The following PDE4B variants were observed in gnomAD, a reference collection of about 807,000 sequenced individuals.
PDE4B encodes 3',5'-cyclic-AMP phosphodiesterase 4B.
A neutral mutation model predicts 82.2 loss-of-function variants in PDE4B; 20 were observed. That is an observed-to-expected ratio of 0.24 (90% confidence interval 0.17 to 0.35). The LOEUF (loss-of-function observed/expected upper bound fraction) is 0.35. PDE4B is among the 10% of genes least tolerant of loss of function. PDE4B has a pLI of 1.00. For synonymous variants in PDE4B, 320 were observed against 318.9 expected (o/e 1.00, Z -0.04); for missense variants, 655 against 907.2 (o/e 0.72, Z 3.57).
chr1:65,885,045 G>A (rs191871603), intron 1 of PDE4B, among the ~76,000 whole-genome samples: 34 of 152,250 alleles, frequency 2.2e-4, no homozygotes, highest in Non-Finnish European at 2.1e-4. Flanking sequence ...CAAAAAGTGG[G>A]CAAAGGAGAT....
At chr1:66,007,780 G>T (rs1286413448) in intron 3 of PDE4B, among the ~76,000 whole-genome samples, 1 of 152,094 alleles carries the variant, frequency 6.6e-6, no homozygotes, top group African/African-American at 2.4e-5. Flanking sequence ...GGCAATGATA[G>T]AACAATTACA....
At chr1:66,132,952 T>C (rs1207809582) in intron 3 of PDE4B, among the ~76,000 whole-genome samples, 1 of 152,208 alleles carries the variant, frequency 6.6e-6, no homozygotes, top group Non-Finnish European at 1.5e-5. Flanking sequence ...TGGCATATCT[T>C]AGAAAATGTT....
chr1:66,256,824 T>A (rs1325152563), intron 4 of PDE4B, among the ~76,000 whole-genome samples: 1 of 152,236 alleles, frequency 6.6e-6, no homozygotes, highest in South Asian at 2.1e-4. Context: ...TGTGCTGCTA[T>A]GATGATTCAC....
At chr1:66,115,298 A>T (rs1645573807) in intron 3 of PDE4B, among the ~76,000 whole-genome samples, 1 of 152,202 alleles carries the variant, frequency 6.6e-6, no homozygotes, top group Admixed American at 6.5e-5. Flanking sequence ...ACGACAGATA[A>T]ATTGGTCTGC....
intron 3 of PDE4B, among the ~76,000 whole-genome samples, chr1:66,202,222 T>C (rs1315790462): frequency 1.3e-5 from 2 of 152,006 alleles, no homozygotes; most frequent in African/African-American, 2.4e-5. Context: ...CAGTTTGTTA[T>C]AATTTCTGTT....
At position 65,992,978 on chromosome 1, in the gene PDE4B, G is replaced by C. The variant is rs115074556; in HGVS notation, c.281+74143G>C. On this transcript the variant is annotated intron_variant, in intron 3 of 16. Coordinates refer to ENST00000341517, the MANE Select transcript of PDE4B (RefSeq NM_002600.4). The stretch of plus-strand genomic sequence containing the variant: ...AGGTTTGCATAAAGACTTTCAAGGA[G>C]CAAATGCATTTAGAACTTGAGCTTC... The C allele has an allele frequency of 6.1e-4, 985 of 1,613,976 alleles. 8 individuals carry two copies. The African/African-American group carries it at 0.011, about 17-fold the overall frequency.
chr1:66,076,668 G>A (rs1351098326), intron 3 of PDE4B, among the ~76,000 whole-genome samples: 2 of 152,148 alleles, frequency 1.3e-5, no homozygotes, highest in Non-Finnish European at 2.9e-5. Context: ...AGCCGTGCCA[G>A]CATCTGTTGC....
Position 66,219,773 on chromosome 1 carries a change from G to T in PDE4B, c.282-27687G>T, listed in dbSNP as rs141773441. ...GAAGGATTCTGCATGACCTTTCAGAGAAACAAGATCAAAGAGTAGGGATGA... is the reference window on the plus strand; with the variant it reads ...GAAGGATTCTGCATGACCTTTCAGATAAACAAGATCAAAGAGTAGGGATGA... On this transcript the variant is annotated intron_variant, in intron 3 of 16. Coordinates refer to ENST00000341517, the MANE Select transcript of PDE4B (RefSeq NM_002600.4). Among the ~76,000 whole-genome samples the T allele has an allele frequency of 7.7e-3, 1,173 of 152,138 alleles. 9 individuals carry two copies. The highest frequency in any genetic ancestry group is 0.013 in the Non-Finnish European group (893 of 67,980).
At chr1:66,056,528 CT>C (rs1185045397) in intron 3 of PDE4B, among the ~76,000 whole-genome samples, 25 of 105,398 alleles carry the variant, frequency 2.4e-4, no homozygotes, top group African/African-American at 5.7e-4. Flanking sequence ...ATCTATCTAT[CT>C]ATCATCTATC....
intron 3 of PDE4B, among the ~76,000 whole-genome samples, chr1:65,937,411 A>G (rs1451008328): frequency 2.0e-5 from 3 of 152,212 alleles, no homozygotes; most frequent in African/African-American, 4.8e-5. Flanking sequence ...TGACAGTCGC[A>G]TGAGGCTTTC....
intron 3 of PDE4B, among the ~76,000 whole-genome samples, chr1:66,041,581 T>G (rs970898354): frequency 1.3e-5 from 2 of 151,926 alleles, no homozygotes; most frequent in East Asian, 3.9e-4. Context: ...CTTGCCTCAC[T>G]CTACTGAATT....
intron 1 of PDE4B, among the ~76,000 whole-genome samples, chr1:65,833,790 A>T (rs538958800): frequency 6.6e-6 from 1 of 152,212 alleles, no homozygotes; most frequent in Non-Finnish European, 1.5e-5. Context: ...AAATTTTCAG[A>T]AATTTTTTGA....
chr1:65,967,571 T>C (rs1290746945), intron 3 of PDE4B, among the ~76,000 whole-genome samples: 2 of 152,182 alleles, frequency 1.3e-5, no homozygotes, highest in African/African-American at 4.8e-5. Flanking sequence ...CATGCACACG[T>C]ATGTTTATTG....
intron 6 of PDE4B, among the ~76,000 whole-genome samples, chr1:66,258,236 CTTAAAA>C (rs1251802758): frequency 6.6e-6 from 1 of 152,174 alleles, no homozygotes; most frequent in African/African-American, 2.4e-5. Context: ...GATATTCAAA[CTTAAAA>C]TTAAATGTAG....
chr1:66,012,608 A>T (rs902119664), intron 3 of PDE4B, among the ~76,000 whole-genome samples: 3 of 152,100 alleles, frequency 2.0e-5, no homozygotes, highest in Admixed American at 2.0e-4. Flanking sequence ...TGAGCCCAGT[A>T]TGAGGAAACT....
intron 9 of PDE4B, among the ~76,000 whole-genome samples, chr1:66,356,246 T>C (rs1037274768): frequency 4.1e-4 from 63 of 152,254 alleles, no homozygotes; most frequent in Admixed American, 4.1e-3. Flanking sequence ...TTATCTATTA[T>C]TCTCTGTTGT....
At chr1:65,980,207 C>G (rs186814145) in intron 3 of PDE4B, among the ~76,000 whole-genome samples, 1 of 152,102 alleles carries the variant, frequency 6.6e-6, no homozygotes, top group Non-Finnish European at 1.5e-5. Context: ...AAAACCATCA[C>G]CACTTTTAAA....
intron 3 of PDE4B, among the ~76,000 whole-genome samples, chr1:66,192,804 T>C (rs574092678): frequency 6.6e-6 from 1 of 152,062 alleles, no homozygotes; most frequent in African/African-American, 2.4e-5. Context: ...ATAATAATAA[T>C]AATAGCAGGA....
chr1:66,029,879 T>C (rs754024065), intron 3 of PDE4B, among the ~76,000 whole-genome samples: 2 of 152,202 alleles, frequency 1.3e-5, no homozygotes, highest in Non-Finnish European at 2.9e-5. Flanking sequence ...AAATGATCTT[T>C]GCTAGATATA....
Sources: allele counts gnomAD v4.1 joint callset (sites outside exome capture counted in the v4.1 genomes callset), GRCh38; gene constraint gnomAD v4.1.1; transcripts MANE v1.5; gene names NCBI Gene and HGNC (gene_info 2026-07-23, HGNC 2026-07-21).